Variants in COQ5 observed in about 807,000 individuals in gnomAD.
COQ5 encodes the protein 2-methoxy-6-polyprenyl-1,4-benzoquinol methylase, mitochondrial.
A neutral mutation model predicts 40.5 loss-of-function variants in COQ5; 27 were observed. That is an observed-to-expected ratio of 0.67 (90% confidence interval 0.49 to 0.92). The LOEUF is 0.92. Ranked by LOEUF, COQ5 falls within the 40% of genes least tolerant of loss-of-function variation. The pLI is 0.00. For synonymous variants in COQ5, 141 were observed against 150.0 expected (o/e 0.94, Z 0.44); for missense variants, 409 against 406.4 (o/e 1.01, Z -0.06).
At chr12:120,523,658 T>C (rs1350697400) in intron 1 of COQ5, among the ~76,000 whole-genome samples, 4 of 152,116 alleles carry the variant, frequency 2.6e-5, no homozygotes, top group African/African-American at 9.7e-5. Context: ...TCTTAAAGGA[T>C]AGGGTGGGGG....
chr12:120,516,535 C>T, intron 3 of COQ5, 32 bp downstream of exon 3: 3 of 1,481,244 alleles, frequency 2.0e-6, no homozygotes, highest in Non-Finnish European at 2.8e-6. Flanking sequence ...GATACAAATA[C>T]TTCCCCTGTG....
rs555108157 is a variant in COQ5 at position 120,510,560 on chromosome 12, C to T, written c.575-437G>A. ...AACTCCTGGGCTCAAGCAATCCTCC[C>T]GCCTCGGCCTCCCAAAGTGCTGGAA... On this transcript the variant is annotated intron_variant, in intron 3 of 6. Transcript: ENST00000288532. Among the ~76,000 whole-genome samples the T allele has an allele frequency of 5.0e-4, 76 of 152,264 alleles. 3 individuals are homozygous for T. The highest frequency in any genetic ancestry group is 4.5e-3 in the Admixed American group (68 of 15,280).
At chr12:120,504,297 T>C (rs530622681) in intron 5 of COQ5, among the ~76,000 whole-genome samples, 51 of 152,104 alleles carry the variant, frequency 3.4e-4, no homozygotes, top group African/African-American at 1.2e-3. Context: ...CAGTTACTAC[T>C]CAGACCTCCC....
intron 2 of COQ5, among the ~76,000 whole-genome samples, chr12:120,519,041 C>A (rs1052513775): frequency 6.6e-6 from 1 of 152,212 alleles, no homozygotes; most frequent in Admixed American, 6.5e-5. Flanking sequence ...CTTATTCTTC[C>A]CACTTAATAT....
chr12:120,503,651 C>T lies in COQ5; in HGVS notation c.*133G>A, dbSNP rs1565927827. 6.8e-6 allele frequency: 5 copies of T among 735,532 alleles called. No individual in the cohort carries two copies. Among genetic ancestry groups the T allele is most frequent in the Admixed American group, 2.0e-5 (1 of 50,176 alleles). 45.6% of individuals were successfully genotyped at this position (735,532 alleles called of 1,614,324 possible). On this transcript the variant is annotated 3_prime_UTR_variant, in exon 7 of 7. Coordinates refer to ENST00000288532, the MANE Select transcript of COQ5 (RefSeq NM_032314.4). ...TTTGTTCTTCCACTTTGAGACTGTT[C>T]GATTCAAACATGAGTCCAAGGCACG...
chr12:120,507,927 C>T (rs1413881380), intron 4 of COQ5, among the ~76,000 whole-genome samples: 1 of 151,426 alleles, frequency 6.6e-6, no homozygotes, highest in East Asian at 2.0e-4. Context: ...ATAAAAAGAG[C>T]CAGTGCTCTT....
chr12:120,503,935 T>C, intron 6 of COQ5, 35 bp downstream of exon 6: 1 of 1,595,140 alleles, frequency 6.3e-7, no homozygotes. Flanking sequence ...GATATCACTG[T>C]AGGGCCTTTG....
intron 1 of COQ5, chr12:120,523,919 A>G: frequency 2.4e-6 from 1 of 422,718 alleles, no homozygotes. Context: ...TTGGGGCAGG[A>G]GAATCACTGG....
intron 4 of COQ5, 41 bp from the exon 5 acceptor site, chr12:120,505,024 A>G (rs1473183979): frequency 6.6e-7 from 1 of 1,522,218 alleles, no homozygotes; most frequent in Admixed American, 1.7e-5. Context: ...TCCTCAGTAG[A>G]CCTCACTCAA....
rs764873571 is a variant in COQ5 at position 120,504,905 on chromosome 12, G to A, written c.760C>T (p.Leu254Phe). The change falls in exon 5 of 7, where the codon CTC becomes TTC. Residue 254 changes from leucine to phenylalanine, a missense_variant. Physicochemically the swap from Leu to Phe is conservative, Grantham distance 22. Transcript: ENST00000288532. ...CLEFSQVNNP[L>F]ISRLYDLYSF... ...ATTAACAATGCCAACCTGGATATGA[G>A]GGGATTGTTCACTTGGCTAAATTCC... 4 of 1,613,876 alleles carry A rather than the reference G, an allele frequency of 2.5e-6. No homozygotes were observed. Among genetic ancestry groups the A allele is most frequent in the African/African-American group, 2.7e-5 (2 of 74,908 alleles).
intron 1 of COQ5, among the ~76,000 whole-genome samples, chr12:120,524,441 T>C (rs1016578895): frequency 6.6e-6 from 1 of 152,004 alleles, no homozygotes; most frequent in African/African-American, 2.4e-5. Flanking sequence ...TTTGTATTTT[T>C]AGTAGAGACG....
chr12:120,510,206 G>C, intron 3 of COQ5, 83 bp from the exon 4 acceptor site: 1 of 1,079,486 alleles, frequency 9.3e-7, no homozygotes, highest in Non-Finnish European at 1.4e-6. Context: ...GTAGAGCATT[G>C]AGCTGGAGAG....
chr12:120,524,197 C>T (rs1488231457), intron 1 of COQ5, among the ~76,000 whole-genome samples: 1 of 152,066 alleles, frequency 6.6e-6, no homozygotes, highest in Non-Finnish European at 1.5e-5. Context: ...ACTGTGGAAT[C>T]TGGGATAGCT....
chr12:120,528,855 G>T, intron 1 of COQ5, 85 bp downstream of exon 1: 4 of 1,199,566 alleles, frequency 3.3e-6, no homozygotes, highest in Non-Finnish European at 5.0e-6. Context: ...GGAACTAATT[G>T]GATGTTAAAT....
intron 2 of COQ5, among the ~76,000 whole-genome samples, chr12:120,518,355 G>C (rs979848365): frequency 2.0e-5 from 3 of 151,360 alleles, no homozygotes; most frequent in Admixed American, 6.6e-5. Flanking sequence ...TTGAGGCCTG[G>C]GGGGTGGAGG....
intron 2 of COQ5, among the ~76,000 whole-genome samples, chr12:120,521,902 CAGG>C (rs1222816213): frequency 6.6e-6 from 1 of 151,696 alleles, no homozygotes; most frequent in Non-Finnish European, 1.5e-5. Context: ...GAGGCTGAGG[CAGG>C]AGAATTGCTT....
chr12:120,525,199 A>G (rs1253593928), intron 1 of COQ5, among the ~76,000 whole-genome samples: 1 of 151,644 alleles, frequency 6.6e-6, no homozygotes, highest in African/African-American at 2.4e-5. Context: ...TTCTAGGTTC[A>G]AGTGATTCTC....
intron 5 of COQ5, 155 bp downstream of exon 5, chr12:120,504,738 ACT>A (rs1431324777): frequency 1.4e-6 from 1 of 699,706 alleles, no homozygotes; most frequent in African/African-American, 1.8e-5. Flanking sequence ...CTGGTTTGAG[ACT>A]CTTGTGGCCT....
intron 5 of COQ5, chr12:120,504,559 A>AC (rs1868795427): frequency 7.6e-6 from 2 of 264,598 alleles, no homozygotes; most frequent in Non-Finnish European, 7.4e-6. Context: ...AAATTTCCTG[A>AC]TTTTTTTTTT....
Sources: gnomAD v4.1 joint callset for allele counts (sites outside exome capture counted in the v4.1 genomes callset) on GRCh38, gnomAD v4.1.1 for gene constraint, MANE v1.5 for transcripts, NCBI Gene and HGNC (gene_info 2026-07-23, HGNC 2026-07-21) for gene names.